MAP3K1: variants seen among roughly 807,000 people sequenced by gnomAD.
MAP3K1 encodes mitogen-activated protein kinase kinase kinase 1.
A neutral mutation model predicts 144.2 loss-of-function variants in MAP3K1; 36 were observed. The observed-to-expected ratio is 0.25, with a 90% confidence interval of 0.19 to 0.33. MAP3K1 has a LOEUF of 0.33. Among genes scored for constraint, MAP3K1 ranks in the 10% least tolerant of loss-of-function variants. The pLI is 1.00. For synonymous variants in MAP3K1, 718 were observed against 688.7 expected, an observed-to-expected ratio of 1.04 and a Z score of -0.67; for missense variants, 1,650 against 1,881.9, an observed-to-expected ratio of 0.88 and a Z score of 2.28.
chr5:56,880,956 T>G (rs1356394115), intron 12 of MAP3K1, 127 bp from the exon 13 acceptor site: 1 of 1,059,196 alleles, frequency 9.4e-7, no homozygotes, highest in Non-Finnish European at 1.4e-6. Context: ...TGTGAATTAC[T>G]CTGAGAGAGA....
chr5:56,847,958 A>G (rs1401353235), intron 1 of MAP3K1, among the ~76,000 whole-genome samples: 1 of 152,234 alleles, frequency 6.6e-6, no homozygotes, highest in Non-Finnish European at 1.5e-5. Flanking sequence ...TGCTTTAAAT[A>G]TATTCATACA....
At chr5:56,831,486 A>T (rs1382111254) in intron 1 of MAP3K1, among the ~76,000 whole-genome samples, 3 of 152,208 alleles carry the variant, frequency 2.0e-5, no homozygotes, top group Non-Finnish European at 4.4e-5. Context: ...ATGATTTCTA[A>T]TGTTTATCTA....
In MAP3K1 at chr5:56,815,728, G is replaced by T; in HGVS notation, c.155G>T (p.Arg52Leu). The part of the protein sequence containing the change: ...GLLREAGSGG[R>L]ERADWRRRQL... ...CTGCGGGAGGCGGGCAGCGGGGGCC[G>T]CGAGCGGGCGGACTGGCGGCGGCGG... The change falls in exon 1 of 20, where the codon CGC becomes CTC. Residue 52 changes from arginine to leucine, a missense_variant. This residue lies in a region of MAP3K1 where 360 missense variants were observed against 274.7 expected (regional missense o/e 1.31). Coordinates refer to ENST00000399503, the MANE Select transcript of MAP3K1 (RefSeq NM_005921.2). 1 of 1,340,112 alleles carries T rather than the reference G, an allele frequency of 7.5e-7. No homozygotes were observed. 83.0% of individuals were successfully genotyped at this position (1,340,112 alleles called of 1,614,324 possible).
At position 56,888,210 on chromosome 5, in the gene MAP3K1, C is replaced by T. The variant is rs897018706; in HGVS notation, c.4258-16C>T. ...CAAATGAGTCCTATTTCCAAATTAA[C>T]TCTGATTTATTTTAGGTACTAAGAG... On this transcript the variant is annotated splice_polypyrimidine_tract_variant and intron_variant, in intron 18 of 19. Transcript: ENST00000399503. The T allele has an allele frequency of 1.9e-6, 3 of 1,611,976 alleles. No individual in the cohort carries two copies. Among genetic ancestry groups the T allele is most frequent in the East Asian group, 4.5e-5 (2 of 44,848 alleles).
At chr5:56,885,077 T>C (rs1748340337) in intron 16 of MAP3K1, among the ~76,000 whole-genome samples, 1 of 152,200 alleles carries the variant, frequency 6.6e-6, no homozygotes, top group Admixed American at 6.5e-5. Context: ...CATTGTTGTT[T>C]TTAATACTTG....
chr5:56,868,377 GTTTC>G (rs1162903198), intron 6 of MAP3K1, among the ~76,000 whole-genome samples: 2 of 151,996 alleles, frequency 1.3e-5, no homozygotes, highest in East Asian at 1.9e-4. Flanking sequence ...GTTTGTAATG[GTTTC>G]TTTCTTTCTT....
At chr5:56,875,653 T>C (rs1748001865) in intron 10 of MAP3K1, among the ~76,000 whole-genome samples, 1 of 152,044 alleles carries the variant, frequency 6.6e-6, no homozygotes, top group African/African-American at 2.4e-5. Flanking sequence ...CACTTACCAC[T>C]AGAGACAGAC....
At chr5:56,837,935 G>A (rs1464478564) in intron 1 of MAP3K1, among the ~76,000 whole-genome samples, 1 of 152,150 alleles carries the variant, frequency 6.6e-6, no homozygotes, top group Non-Finnish European at 1.5e-5. Flanking sequence ...TCTCCAAGGG[G>A]ACCCTAGAGC....
intron 1 of MAP3K1, among the ~76,000 whole-genome samples, chr5:56,828,019 TA>T (rs1746372323): frequency 6.6e-6 from 1 of 152,000 alleles, no homozygotes. Context: ...AGTATTCAGT[TA>T]ATACTAACTG....
At chr5:56,876,768 A>T (rs781736883) in intron 10 of MAP3K1, among the ~76,000 whole-genome samples, 5 of 152,240 alleles carry the variant, frequency 3.3e-5, no homozygotes, top group East Asian at 1.9e-4. Flanking sequence ...ATTATGTAGA[A>T]ACTTTCAACC....
At chr5:56,880,916 T>TA in intron 12 of MAP3K1, 114 bp downstream of exon 12, 1 of 1,055,936 alleles carries the variant, frequency 9.5e-7, no homozygotes, top group Non-Finnish European at 1.4e-6. Flanking sequence ...AGTAATTTTA[T>TA]AAATTGATTC....
chr5:56,872,569 T>C, intron 7 of MAP3K1, 72 bp from the exon 8 acceptor site: 1 of 882,176 alleles, frequency 1.1e-6, no homozygotes, highest in South Asian at 1.5e-5. Context: ...TCTATAATTA[T>C]AAACAGTTAT....
intron 18 of MAP3K1, 70 bp downstream of exon 18, chr5:56,887,590 T>C: frequency 6.6e-7 from 1 of 1,513,050 alleles, no homozygotes; most frequent in Non-Finnish European, 9.2e-7. Context: ...TATACTAAAT[T>C]ATCTTGCAGT....
At chr5:56,836,909 C>T (rs945515985) in intron 1 of MAP3K1, among the ~76,000 whole-genome samples, 3 of 152,116 alleles carry the variant, frequency 2.0e-5, no homozygotes, top group Non-Finnish European at 4.4e-5. Context: ...ATTTTAGCCA[C>T]CTTTGTATCT....
In MAP3K1 at chr5:56,844,785, G is replaced by T. The variant is rs1746939805; in HGVS notation, c.483-11815G>T. ...CGTTTTTTAATTTTTCTTCTTTGCT[G>T]CCTGGCCAGTGCTTATCTGTGGTAG... On this transcript the variant is annotated intron_variant, in intron 1 of 19. Coordinates refer to ENST00000399503, the MANE Select transcript of MAP3K1 (RefSeq NM_005921.2). 4.6e-5 allele frequency among the ~76,000 whole-genome samples: 7 copies of T among 152,258 alleles called. No homozygotes were observed. The South Asian group carries it at 1.5e-3, about 32-fold the overall frequency.
At position 56,881,841 on chromosome 5, in the gene MAP3K1, C is replaced by A; in HGVS notation, c.2641C>A (p.Gln881Lys). 1 of 1,614,090 alleles carries A rather than the reference C, an allele frequency of 6.2e-7. No homozygotes were observed. Among genetic ancestry groups the A allele is most frequent in the Non-Finnish European group, 8.5e-7 (1 of 1,180,012 alleles). ...CGTAGAAGACACTTTGGATGGTCAA[C>A]AGGACAGCTTCTTGCAGGCATCTGT... Reference protein sequence around the residue: ...LGVEDTLDGQQDSFLQASVPN... With the variant: ...LGVEDTLDGQKDSFLQASVPN... Residue 881 changes from glutamine (Q) to lysine (K), a missense_variant, in exon 14 of 20, where the codon CAG becomes AAG. Physicochemically the swap from Gln to Lys is moderately conservative, Grantham distance 53 (BLOSUM62 1). This residue lies in a region of MAP3K1 where 841 missense variants were observed against 886.5 expected (regional missense o/e 0.95). Transcript: ENST00000399503.
chr5:56,864,300 A>G (rs1747606967), intron 3 of MAP3K1, among the ~76,000 whole-genome samples: 1 of 152,114 alleles, frequency 6.6e-6, no homozygotes, highest in South Asian at 2.1e-4. Context: ...TTGTTCCATA[A>G]TATTTTAAAT....
At chr5:56,890,917 G>A (rs1199726216) in intron 19 of MAP3K1, among the ~76,000 whole-genome samples, 2 of 151,632 alleles carry the variant, frequency 1.3e-5, no homozygotes, top group Non-Finnish European at 2.9e-5. Flanking sequence ...ATAGTGAGAC[G>A]CACCTGTGCT....
chr5:56,880,957 CTG>C, intron 12 of MAP3K1, 124 bp from the exon 13 acceptor site: 1 of 1,062,312 alleles, frequency 9.4e-7, no homozygotes. Flanking sequence ...GTGAATTACT[CTG>C]AGAGAGAAAT....
Sources: allele counts gnomAD v4.1 joint callset (sites outside exome capture counted in the v4.1 genomes callset), GRCh38; gene constraint gnomAD v4.1.1; regional missense constraint gnomAD v4.1.1; transcripts MANE v1.5; gene names NCBI Gene and HGNC (gene_info 2026-07-23, HGNC 2026-07-21).